LINC02747: variants seen among roughly 807,000 people sequenced by gnomAD.
LINC02747 encodes the protein CCND1-upstream intergenic DNA repair 2.
At chr11:69,478,796 T>G (rs914835798) in intron 1 of LINC02747, among the ~76,000 whole-genome samples, 1 of 150,852 alleles carries the variant, frequency 6.6e-6, no homozygotes, top group South Asian at 2.1e-4. Flanking sequence ...AACCCAGGAG[T>G]TGGAGGCTGC....
intron 1 of LINC02747, among the ~76,000 whole-genome samples, chr11:69,481,057 G>T (rs1857043816): frequency 6.6e-6 from 1 of 152,324 alleles, no homozygotes; most frequent in East Asian, 1.9e-4. Flanking sequence ...GGGCTGTGCT[G>T]GCAATGCTGC....
intron 1 of LINC02747, among the ~76,000 whole-genome samples, chr11:69,479,490 C>T (rs943939327): frequency 3.3e-5 from 5 of 152,098 alleles, no homozygotes; most frequent in Non-Finnish European, 5.9e-5. Context: ...CAGAAAAACG[C>T]CCTGTTGTGC....
chr11:69,479,730 C>T (rs1226572096), intron 1 of LINC02747: 3 of 152,960 alleles, frequency 2.0e-5, no homozygotes, highest in Non-Finnish European at 4.4e-5. Flanking sequence ...ACCTCCAAAC[C>T]TCTGCCCATG....
chr11:69,478,686 T>A (rs919052329), intron 1 of LINC02747, among the ~76,000 whole-genome samples: 1 of 151,784 alleles, frequency 6.6e-6, no homozygotes, highest in Non-Finnish European at 1.5e-5. Flanking sequence ...AACACAAAAA[T>A]TAGCCTGGTG....
chr11:69,480,987 G>T (rs146742567), intron 1 of LINC02747, among the ~76,000 whole-genome samples: 1 of 152,164 alleles, frequency 6.6e-6, no homozygotes, highest in Admixed American at 6.5e-5. Flanking sequence ...TGCACAGCCC[G>T]CTAGCAACTG....
chr11:69,477,917 T>C (rs1457965226), intron 1 of LINC02747, among the ~76,000 whole-genome samples: 1 of 152,040 alleles, frequency 6.6e-6, no homozygotes, highest in Non-Finnish European at 1.5e-5. Flanking sequence ...GATCAGAGCA[T>C]CCAACCATGT....
At chr11:69,479,473 T>C (rs1857028050) in intron 1 of LINC02747, among the ~76,000 whole-genome samples, 1 of 152,070 alleles carries the variant, frequency 6.6e-6, no homozygotes, top group Admixed American at 6.6e-5. Flanking sequence ...GGTATTATTC[T>C]CATGAGCAGA....
intron 1 of LINC02747, among the ~76,000 whole-genome samples, chr11:69,481,157 T>C (rs938137954): frequency 3.9e-5 from 6 of 152,208 alleles, no homozygotes; most frequent in African/African-American, 1.4e-4. Flanking sequence ...CCAGTGTTAC[T>C]AGATCCCCAC....
intron 1 of LINC02747, among the ~76,000 whole-genome samples, chr11:69,479,292 GGAGA>G (rs975516649): frequency 6.0e-5 from 9 of 149,948 alleles, no homozygotes; most frequent in Non-Finnish European, 1.2e-4. Context: ...GAGAGAGAGA[GGAGA>G]GAGAGAGAAA....
At chr11:69,476,270 G>C (rs115989261) in exon 2 of LINC02747, 1 of 152,124 alleles carries the variant, frequency 6.6e-6, no homozygotes, top group Non-Finnish European at 1.5e-5. Flanking sequence ...AACGCTTCCC[G>C]GCTCCCCTTC....
chr11:69,480,640 A>G (rs1019144976), intron 1 of LINC02747, among the ~76,000 whole-genome samples: 2 of 152,228 alleles, frequency 1.3e-5, no homozygotes, highest in African/African-American at 4.8e-5. Context: ...AAATGTCTGC[A>G]GACATCATCA....
chr11:69,478,442 G>T (rs547500597), intron 1 of LINC02747, among the ~76,000 whole-genome samples: 17 of 152,284 alleles, frequency 1.1e-4, no homozygotes, highest in Non-Finnish European at 2.5e-4. Context: ...CACCCTGACC[G>T]CCTGCTCCTG....
At chr11:69,481,204 C>A (rs560901619) in intron 1 of LINC02747, among the ~76,000 whole-genome samples, 77 of 152,360 alleles carry the variant, frequency 5.1e-4, no homozygotes, top group African/African-American at 1.8e-3. Flanking sequence ...CTGTGCCACT[C>A]AGCCGATCTA....
chr11:69,480,615 T>C (rs1402813283), intron 1 of LINC02747, among the ~76,000 whole-genome samples: 2 of 152,194 alleles, frequency 1.3e-5, no homozygotes, highest in Non-Finnish European at 2.9e-5. Flanking sequence ...CCCTCTTCTC[T>C]GTGAAACAGT....
chr11:69,478,721 G>A (rs193211542), intron 1 of LINC02747, among the ~76,000 whole-genome samples: 2 of 152,198 alleles, frequency 1.3e-5, no homozygotes, highest in Admixed American at 1.3e-4. Context: ...TGTAATTCCA[G>A]CTACTCAGCA....
intron 1 of LINC02747, among the ~76,000 whole-genome samples, chr11:69,478,576 C>T (rs1465600618): frequency 6.6e-6 from 1 of 152,210 alleles, no homozygotes; most frequent in Non-Finnish European, 1.5e-5. Flanking sequence ...GGCGAGGTGG[C>T]TCATGCCTGT....
chr11:69,480,452 GA>G lies in LINC02747; in HGVS notation n.120+973del, dbSNP rs1372542542. 1.5e-4 allele frequency among the ~76,000 whole-genome samples: 23 copies of G among 152,110 alleles called. No homozygotes were observed. In the South Asian group the frequency reaches 3.9e-3, roughly 26 times the overall value. ...ATGTTGTCGTCCCCTTGGCATGCTG[GA>G]AAAAAAATTGCTCAGACAGGGCTGG... On this transcript the variant is annotated intron_variant and non_coding_transcript_variant, in intron 1 of 1. Transcript: ENST00000645449.
chr11:69,478,230 G>A (rs1369159341), intron 1 of LINC02747, among the ~76,000 whole-genome samples: 1 of 152,220 alleles, frequency 6.6e-6, no homozygotes, highest in Non-Finnish European at 1.5e-5. Flanking sequence ...GGTAAGCCGT[G>A]TGGGGCAGTA....
chr11:69,480,220 C>G (rs937020689), intron 1 of LINC02747, among the ~76,000 whole-genome samples: 1 of 152,142 alleles, frequency 6.6e-6, no homozygotes, highest in Non-Finnish European at 1.5e-5. Flanking sequence ...CGAGCCTGGG[C>G]CACACAGTGA....
Sources: gnomAD v4.1 joint callset for allele counts (sites outside exome capture counted in the v4.1 genomes callset) on GRCh38, gnomAD v4.1.1 for gene constraint, MANE v1.5 for transcripts, NCBI Gene and HGNC (gene_info 2026-07-23, HGNC 2026-07-21) for gene names.